ADAMTS12: variants seen among roughly 807,000 people sequenced by gnomAD.
ADAMTS12 encodes the protein A disintegrin and metalloproteinase with thrombospondin motifs 12.
ADAMTS12 carries 118 observed loss-of-function variants against 167.8 expected under a neutral mutation model. The ratio of observed to expected loss-of-function variants is 0.70; its 90% CI spans 0.61 to 0.82. The LOEUF (loss-of-function observed/expected upper bound fraction) is 0.82. ADAMTS12 is among the 40% of genes least tolerant of loss of function. The probability of loss-of-function intolerance (pLI) is 0.00; values close to 1 mark genes in which losing one functional copy is unlikely to be tolerated. For missense variants in ADAMTS12, 1,916 were observed against 1,998.8 expected, an observed-to-expected ratio of 0.96 and a Z score of 0.79; for synonymous variants, 704 against 716.9, an observed-to-expected ratio of 0.98 and a Z score of 0.29.
At chr5:33,883,327 G>GTTTTTTTTTTTTTTGTTTTTTTTTTTT (rs1369596622) in intron 1 of ADAMTS12, among the ~76,000 whole-genome samples, 4 of 111,596 alleles carry the variant, frequency 3.6e-5, no homozygotes, top group Non-Finnish European at 5.6e-5. Flanking sequence ...TTTTTTTTTT[G>GTTTTTTTTTTTTTTGTTTTTTTTTTTT]TTTTTTTTTT....
At position 33,809,949 on chromosome 5, in the gene ADAMTS12, G is replaced by A. The variant is rs955373911; in HGVS notation, c.490-58401C>T. On this transcript the variant is annotated intron_variant, in intron 2 of 23. Transcript: ENST00000504830. ...GGCTTAGCACTGGAGTACCAAAGAA[G>A]TAAAAGGCATTTTAATCCTTAAGAA... Among the ~76,000 whole-genome samples the A allele has an allele frequency of 1.8e-4, 22 of 124,234 alleles. No homozygotes were observed. In the South Asian group the frequency reaches 2.3e-3, roughly 13 times the overall value. 81.5% of individuals were successfully genotyped at this position (124,234 alleles called of 152,430 possible). A position where few individuals can be genotyped will look rare whatever the true frequency, so the allele number is the denominator to read the frequency against.
chr5:33,790,571 AG>A (rs1424474554), intron 2 of ADAMTS12, among the ~76,000 whole-genome samples: 1 of 145,964 alleles, frequency 6.9e-6, no homozygotes, highest in South Asian at 2.2e-4. Context: ...AAAAAAAAAA[AG>A]AAAAAAGAAA....
intron 14 of ADAMTS12, among the ~76,000 whole-genome samples, chr5:33,622,605 A>G: frequency 6.6e-6 from 1 of 152,244 alleles, no homozygotes; most frequent in Non-Finnish European, 1.5e-5. Flanking sequence ...GTGAGCTGAG[A>G]TTGCAGCACT....
chr5:33,598,581 C>T (rs1032538095), intron 16 of ADAMTS12, among the ~76,000 whole-genome samples: 1 of 152,088 alleles, frequency 6.6e-6, no homozygotes, highest in Non-Finnish European at 1.5e-5. Flanking sequence ...AAAAGTGATG[C>T]TCCATAAAAG....
At chr5:33,868,767 T>C (rs182667136) in intron 2 of ADAMTS12, among the ~76,000 whole-genome samples, 7 of 152,352 alleles carry the variant, frequency 4.6e-5, no homozygotes, top group Admixed American at 1.3e-4. Context: ...TTAAACATTA[T>C]GACATTTGTT....
intron 7 of ADAMTS12, among the ~76,000 whole-genome samples, chr5:33,655,155 G>C (rs148789425): frequency 6.6e-6 from 1 of 151,944 alleles, no homozygotes; most frequent in Admixed American, 6.6e-5. Context: ...ACTTTCTAAG[G>C]GGCAGCATTT....
In ADAMTS12 at chr5:33,881,263, A is replaced by G. The variant is rs759501448; in HGVS notation, c.345T>C (p.Asn115=). The change falls in exon 2 of 24, where the codon AAT becomes AAC. Residue 115 remains asparagine (N), a synonymous_variant. Transcript: ENST00000504830. ...NLTVNQGFLS[N]SYIMEKRYGN... ...CATATCTCTTCTCCATGATGTAGCTATTGGAAAGAAATCCTTGATTGACCG... is the reference window on the plus strand; with the variant it reads ...CATATCTCTTCTCCATGATGTAGCTGTTGGAAAGAAATCCTTGATTGACCG... 1 of 1,614,182 alleles carries G rather than the reference A, an allele frequency of 6.2e-7. No homozygotes were observed. Among genetic ancestry groups the G allele is most frequent in the Non-Finnish European group, 8.5e-7 (1 of 1,180,032 alleles).
intron 2 of ADAMTS12, among the ~76,000 whole-genome samples, chr5:33,827,356 C>T (rs568027614): frequency 2.6e-5 from 4 of 151,970 alleles, no homozygotes; most frequent in Non-Finnish European, 5.9e-5. Flanking sequence ...TTCAGTCCTA[C>T]AGCTGCAAAG....
intron 13 of ADAMTS12, among the ~76,000 whole-genome samples, chr5:33,627,162 T>A (rs565129854): frequency 2.9e-5 from 4 of 138,172 alleles, no homozygotes; most frequent in African/African-American, 1.1e-4. Flanking sequence ...GTGGTGACTA[T>A]GTGGTAATGG....
chr5:33,584,595 C>G (rs1191640168), intron 18 of ADAMTS12, among the ~76,000 whole-genome samples: 1 of 152,210 alleles, frequency 6.6e-6, no homozygotes, highest in East Asian at 1.9e-4. Flanking sequence ...GTCTTCTTGT[C>G]TGATAATAAT....
At chr5:33,822,321 G>A (rs765598787) in intron 2 of ADAMTS12, among the ~76,000 whole-genome samples, 2 of 152,160 alleles carry the variant, frequency 1.3e-5, no homozygotes, top group East Asian at 1.9e-4. Context: ...CCCTGGGGAC[G>A]TATAATTGCC....
At chr5:33,630,597 T>C (rs1739871398) in intron 13 of ADAMTS12, among the ~76,000 whole-genome samples, 183 bp downstream of exon 13, 1 of 152,196 alleles carries the variant, frequency 6.6e-6, no homozygotes, top group South Asian at 2.1e-4. Flanking sequence ...GAAAAAACTA[T>C]TCAATCCAAA....
chr5:33,869,926 C>T (rs1749971595), intron 2 of ADAMTS12, among the ~76,000 whole-genome samples: 1 of 152,162 alleles, frequency 6.6e-6, no homozygotes, highest in Non-Finnish European at 1.5e-5. Context: ...AAGGTAGACA[C>T]TCATAGAGTG....
In ADAMTS12 at chr5:33,640,233, C is replaced by T. The variant is rs533762297; in HGVS notation, c.1718+1577G>A. Among the ~76,000 whole-genome samples, 6 of 152,230 alleles carry T rather than the reference C, an allele frequency of 3.9e-5. No individual in the cohort carries two copies. In the South Asian group the frequency reaches 6.2e-4, roughly 16 times the overall value. On this transcript the variant is annotated intron_variant, in intron 11 of 23. Coordinates refer to ENST00000504830, the MANE Select transcript of ADAMTS12 (RefSeq NM_030955.4). ...GTGTTAGCAATGAATTTAAGCAAAC[C>T]GGCAATGAAGAACAGGCATGTCCAC...
At chr5:33,663,825 G>T (rs922495163) in intron 5 of ADAMTS12, among the ~76,000 whole-genome samples, 5 of 152,090 alleles carry the variant, frequency 3.3e-5, no homozygotes, top group Non-Finnish European at 4.4e-5. Context: ...ACATTTCTTT[G>T]TTATGTTTTG....
At chr5:33,776,530 A>G (rs1171282719) in intron 2 of ADAMTS12, among the ~76,000 whole-genome samples, 3 of 152,212 alleles carry the variant, frequency 2.0e-5, no homozygotes, top group Non-Finnish European at 2.9e-5. Context: ...AGACAAATGA[A>G]AATAGAAACA....
intron 2 of ADAMTS12, among the ~76,000 whole-genome samples, chr5:33,863,584 G>A (rs1749702211): frequency 6.6e-6 from 1 of 152,140 alleles, no homozygotes; most frequent in Non-Finnish European, 1.5e-5. Context: ...AACATTCCAT[G>A]TTCATGAATA....
At chr5:33,527,594 T>C (rs2111714475) in intron 23 of ADAMTS12, among the ~76,000 whole-genome samples, 1 of 152,350 alleles carries the variant, frequency 6.6e-6, no homozygotes, top group Admixed American at 6.5e-5. Context: ...GTAATTGTTT[T>C]ATACAGAACA....
intron 2 of ADAMTS12, among the ~76,000 whole-genome samples, chr5:33,797,249 T>TA (rs1033201723): frequency 8.5e-5 from 13 of 152,164 alleles, no homozygotes; most frequent in African/African-American, 2.9e-4. Flanking sequence ...CAAGGGTCTG[T>TA]AATCTTCCTG....
Sources: gnomAD v4.1 joint callset for allele counts (sites outside exome capture counted in the v4.1 genomes callset) on GRCh38, gnomAD v4.1.1 for gene constraint, MANE v1.5 for transcripts, NCBI Gene and HGNC (gene_info 2026-07-23, HGNC 2026-07-21) for gene names.